RFC1: variants seen among roughly 807,000 people sequenced by gnomAD.
The protein encoded by RFC1 is A1 140 kDa subunit.
RFC1 carries 37 observed loss-of-function variants against 137.4 expected under a neutral mutation model. The observed-to-expected ratio is 0.27, with a 90% CI of 0.21 to 0.35. The LOEUF (loss-of-function observed/expected upper bound fraction) is 0.35, where lower values mean the gene tolerates loss of function less well. RFC1 is among the 10% of genes least tolerant of loss of function. RFC1 has a pLI of 1.00. For missense variants in RFC1, 1,205 were observed against 1,358.5 expected (o/e 0.89, Z 1.78); for synonymous variants, 429 against 455.7 (o/e 0.94, Z 0.75).
chr4:39,356,185 G>C (rs964227139), intron 1 of RFC1, among the ~76,000 whole-genome samples: 60 of 152,070 alleles, frequency 3.9e-4, no homozygotes, highest in African/African-American at 1.4e-3. Context: ...TGGATTACGA[G>C]GTCAGGAGTT....
chr4:39,307,165 A>T (rs568089345), intron 13 of RFC1, among the ~76,000 whole-genome samples: 38 of 152,310 alleles, frequency 2.5e-4, no homozygotes, highest in Admixed American at 1.0e-3. Flanking sequence ...ATGGCTGAGC[A>T]CAGAGCCATG....
intron 21 of RFC1, among the ~76,000 whole-genome samples, chr4:39,299,031 T>C (rs34363777): frequency 0.099 from 15,102 of 152,182 alleles, 952 homozygotes; most frequent in East Asian, 0.2. Flanking sequence ...TGGAAGGTTG[T>C]GGGTTTACGG....
intron 1 of RFC1, among the ~76,000 whole-genome samples, chr4:39,355,146 G>A (rs561875526): frequency 4.3e-4 from 55 of 127,534 alleles, no homozygotes; most frequent in African/African-American, 1.5e-3. Context: ...CAACAGGCCA[G>A]GTGTGGTGGC....
chr4:39,317,103 T>A, intron 9 of RFC1, 81 bp from the exon 10 acceptor site: 2 of 812,870 alleles, frequency 2.5e-6, no homozygotes, highest in Non-Finnish European at 4.1e-6. Context: ...GAAATAAACA[T>A]TATTTTTATT....
rs1382858265 is a variant in RFC1 at position 39,306,790 on chromosome 4, CAT to C, written c.1886-91_1886-90del. 1.5e-5 allele frequency: 11 copies of C among 739,498 alleles called. No individual in the cohort carries two copies. In the Admixed American group the frequency reaches 2.3e-4, roughly 15 times the overall value. 45.8% of individuals were successfully genotyped at this position (739,498 alleles called of 1,614,324 possible). A position where few individuals can be genotyped will look rare whatever the true frequency, so the allele number is the denominator to read the frequency against. On this transcript the variant is annotated intron_variant, in intron 13 of 24. Coordinates refer to ENST00000349703, the MANE Select transcript of RFC1 (RefSeq NM_002913.5). ...CAGAAATAGTTATGCCTAAACTTCA[CAT>C]AGACAGCTGTCCTCCAGTTTAGTTC...
chr4:39,351,571 G>A, intron 1 of RFC1, 95 bp from the exon 2 acceptor site: 1 of 1,060,668 alleles, frequency 9.4e-7, no homozygotes, highest in Non-Finnish European at 1.3e-6. Context: ...TACACACTGG[G>A]TTACCCTGAG....
At chr4:39,351,236 G>T in intron 2 of RFC1, 112 bp downstream of exon 2, 1 of 639,090 alleles carries the variant, frequency 1.6e-6, no homozygotes, top group African/African-American at 2.3e-5. Flanking sequence ...GGGCGACAGA[G>T]CAAGACTCTG....
chr4:39,319,562 A>G (rs1739411031), intron 9 of RFC1, among the ~76,000 whole-genome samples: 1 of 152,212 alleles, frequency 6.6e-6, no homozygotes, highest in Non-Finnish European at 1.5e-5. Context: ...TCCATATCCT[A>G]CAACAGCTTC....
At chr4:39,333,748 TC>T (rs1740222056) in intron 4 of RFC1, among the ~76,000 whole-genome samples, 1 of 152,150 alleles carries the variant, frequency 6.6e-6, no homozygotes, top group Admixed American at 6.5e-5. Flanking sequence ...ACAGAGCCCT[TC>T]TCTGAATACA....
intron 4 of RFC1, among the ~76,000 whole-genome samples, chr4:39,329,863 C>A (rs1436138761): frequency 2.0e-5 from 3 of 151,964 alleles, no homozygotes; most frequent in Admixed American, 6.6e-5. Context: ...GGTGAGAGCC[C>A]GTCTCTACTA....
chr4:39,318,416 C>T (rs527739747), intron 9 of RFC1, among the ~76,000 whole-genome samples: 8 of 152,252 alleles, frequency 5.3e-5, no homozygotes, highest in Non-Finnish European at 8.8e-5. Context: ...GATTAATTTA[C>T]GACACTCATT....
intron 1 of RFC1, among the ~76,000 whole-genome samples, chr4:39,359,811 G>A (rs1435019826): frequency 6.8e-6 from 1 of 147,862 alleles, no homozygotes; most frequent in Non-Finnish European, 1.5e-5. Flanking sequence ...GACAGAGCGA[G>A]ACTCTGTCTC....
At chr4:39,360,565 A>C (rs988364534) in intron 1 of RFC1, among the ~76,000 whole-genome samples, 4 of 151,080 alleles carry the variant, frequency 2.6e-5, no homozygotes, top group Admixed American at 6.6e-5. Flanking sequence ...AAATACAATA[A>C]AATAAAATAA....
At position 39,287,947 on chromosome 4, in the gene RFC1, T is replaced by A. The variant is rs906425052; in HGVS notation, c.*814A>T. 6 of 152,242 alleles carry A rather than the reference T, an allele frequency of 3.9e-5. No homozygotes were observed. Among genetic ancestry groups the A allele is most frequent in the African/African-American group, 1.4e-4 (6 of 41,442 alleles). The allele number at this position is 152,242 out of a possible 1,614,324, so 9.4% of individuals were successfully genotyped here. The stretch of plus-strand genomic sequence containing the variant: ...AGGATAAGAATGTCTGAGAATCTTC[T>A]GCAGCCCCCCACGCTGCAAAGCCCC... On this transcript the variant is annotated 3_prime_UTR_variant, in exon 25 of 25. Transcript: ENST00000349703.
chr4:39,302,701 G>T, intron 17 of RFC1, 36 bp downstream of exon 17: 1 of 1,544,294 alleles, frequency 6.5e-7, no homozygotes. Context: ...AAATAAATAG[G>T]CTAGTGTGAT....
At chr4:39,318,771 C>T (rs533849085) in intron 9 of RFC1, among the ~76,000 whole-genome samples, 2 of 152,298 alleles carry the variant, frequency 1.3e-5, no homozygotes, top group South Asian at 2.1e-4. Context: ...CTCCTTTAAG[C>T]GTATTTATAA....
At chr4:39,336,051 G>A (rs929057846) in intron 4 of RFC1, among the ~76,000 whole-genome samples, 12 of 152,104 alleles carry the variant, frequency 7.9e-5, no homozygotes, top group Admixed American at 7.2e-4. Flanking sequence ...CAGTATCTTA[G>A]TGTCTCATTA....
chr4:39,358,046 G>A (rs567999731), intron 1 of RFC1, among the ~76,000 whole-genome samples: 5 of 151,992 alleles, frequency 3.3e-5, no homozygotes, highest in Non-Finnish European at 5.9e-5. Flanking sequence ...AGGCCAAGGC[G>A]GGTGGATCAC....
chr4:39,309,879 G>C (rs531607047), intron 12 of RFC1, among the ~76,000 whole-genome samples: 63 of 152,132 alleles, frequency 4.1e-4, no homozygotes, highest in Non-Finnish European at 8.1e-4. Context: ...AAAATTAGTG[G>C]ATGAATGTTT....
Sources: gnomAD v4.1 joint callset for allele counts (sites outside exome capture counted in the v4.1 genomes callset) on GRCh38, gnomAD v4.1.1 for gene constraint, MANE v1.5 for transcripts, NCBI Gene and HGNC (gene_info 2026-07-23, HGNC 2026-07-21) for gene names.